KMT5B: variants seen among roughly 807,000 people sequenced by gnomAD.
The protein encoded by KMT5B is histone-lysine N-methyltransferase KMT5B.
Under a neutral mutation model 83.2 loss-of-function variants are expected in KMT5B, and 10 were observed. The observed-to-expected ratio is 0.12, with a 90% CI of 0.07 to 0.20. The LOEUF is 0.20. KMT5B is among the 10% of genes least tolerant of loss of function. The pLI, the probability that KMT5B is intolerant of heterozygous loss-of-function variation, is 1.00. For synonymous variants in KMT5B, 349 were observed against 388.8 expected (o/e 0.90, Z 1.20); for missense variants, 753 against 1,067.2 (o/e 0.71, Z 4.10).
chr11:68,198,155 G>A (rs1565254447), intron 1 of KMT5B, among the ~76,000 whole-genome samples: 2 of 152,134 alleles, frequency 1.3e-5, no homozygotes, highest in South Asian at 2.1e-4. Context: ...AGGCCAAGGC[G>A]GGCAGATCAC....
intron 4 of KMT5B, chr11:68,176,748 C>A (rs1426101729): frequency 6.6e-6 from 1 of 152,130 alleles, no homozygotes; most frequent in Non-Finnish European, 1.5e-5. Flanking sequence ...CGCGTCACTG[C>A]ACTTCAGCCT....
At chr11:68,174,260 A>C (rs552076402) in intron 5 of KMT5B, 1 of 360,960 alleles carries the variant, frequency 2.8e-6, no homozygotes, top group South Asian at 2.1e-5. Context: ...TAGGTAACAA[A>C]CTTTATTGTT....
intron 10 of KMT5B, among the ~76,000 whole-genome samples, chr11:68,164,098 A>G (rs1855091366): frequency 6.6e-6 from 1 of 152,188 alleles, no homozygotes; most frequent in Non-Finnish European, 1.5e-5. Context: ...AGAATCCTCC[A>G]GTCCTGGCAT....
chr11:68,203,367 C>T (rs951504951), intron 1 of KMT5B, among the ~76,000 whole-genome samples: 2 of 152,246 alleles, frequency 1.3e-5, no homozygotes, highest in Non-Finnish European at 2.9e-5. Context: ...AACTGCTACA[C>T]ATAAGCAGAA....
intron 4 of KMT5B, among the ~76,000 whole-genome samples, chr11:68,178,658 T>C (rs1044252892): frequency 2.0e-5 from 3 of 152,202 alleles, no homozygotes; most frequent in African/African-American, 7.2e-5. Flanking sequence ...GATGAGACAG[T>C]TGTTTTCAAT....
At position 68,174,082 on chromosome 11, in the gene KMT5B, A is replaced by G. The variant is rs772257876; in HGVS notation, c.544-169T>C. On this transcript the variant is annotated intron_variant, in intron 5 of 10. Coordinates refer to ENST00000304363, the MANE Select transcript of KMT5B (RefSeq NM_017635.5). ...AAAAACATTAGCCAAGCATGATGGC[A>G]TGTACCTTTAGTGCCAGCTACGTGG... 18 of 666,088 alleles carry G rather than the reference A, an allele frequency of 2.7e-5. 1 individual carries two copies. The highest frequency in any genetic ancestry group is 2.1e-4 in the South Asian group (14 of 66,464). 41.3% of individuals were successfully genotyped at this position (666,088 alleles called of 1,614,324 possible). A position where few individuals can be genotyped will look rare whatever the true frequency, so the allele number is the denominator to read the frequency against.
At chr11:68,174,168 G>A (rs1259320243) in intron 5 of KMT5B, 2 of 575,622 alleles carry the variant, frequency 3.5e-6, no homozygotes, top group Non-Finnish European at 6.5e-6. Flanking sequence ...GCCATAATCA[G>A]GCCACTGCAC....
Position 68,157,400 on chromosome 11 carries a change from G to A in KMT5B, c.*288C>T, listed in dbSNP as rs1452040762. On this transcript the variant is annotated 3_prime_UTR_variant, in exon 11 of 11. Coordinates refer to ENST00000304363, the MANE Select transcript of KMT5B (RefSeq NM_017635.5). The stretch of plus-strand genomic sequence containing the variant: ...CACATTACTGTTTTCAACGTCCTGT[G>A]TGGAAAGTTGCTATCACTGTACAAT... 3.9e-6 allele frequency: 1 copy of A among 256,774 alleles called. No homozygotes were observed. The highest frequency in any genetic ancestry group is 2.2e-5 in the African/African-American group (1 of 45,122). 15.9% of individuals were successfully genotyped at this position (256,774 alleles called of 1,614,324 possible).
In KMT5B at chr11:68,161,975, G is replaced by A. The variant is rs367655794; in HGVS notation, c.1175-2804C>T. Among the ~76,000 whole-genome samples, 10 of 152,032 alleles carry A rather than the reference G, an allele frequency of 6.6e-5. No homozygotes were observed. The East Asian group carries it at 9.6e-4, about 15-fold the overall frequency. Reference sequence around the variant, plus strand: ...AAGTCTCCTGACGACGTCCCCTTTCGAGGTCTCCATCTTGGTCAATATCAC... The same window carrying A: ...AAGTCTCCTGACGACGTCCCCTTTCAAGGTCTCCATCTTGGTCAATATCAC... On this transcript the variant is annotated intron_variant, in intron 10 of 10. Transcript: ENST00000304363.
intron 10 of KMT5B, among the ~76,000 whole-genome samples, chr11:68,160,301 T>C (rs1854741148): frequency 6.6e-6 from 1 of 152,228 alleles, no homozygotes; most frequent in Non-Finnish European, 1.5e-5. Flanking sequence ...TTCTGCTATG[T>C]TAATTTTTCC....
Position 68,209,234 on chromosome 11 carries a change from G to A in KMT5B, c.-77+3904C>T, listed in dbSNP as rs965945610. Among the ~76,000 whole-genome samples the A allele has an allele frequency of 2.7e-4, 41 of 152,220 alleles. 1 individual carries two copies. The highest frequency in any genetic ancestry group is 9.2e-4 in the African/African-American group (38 of 41,528). ...TCAGACAGGCAAAACAATTCATCGGGCCGACCTAGAATCCACTCAGTTCAA... is the reference window on the plus strand; with the variant it reads ...TCAGACAGGCAAAACAATTCATCGGACCGACCTAGAATCCACTCAGTTCAA... On this transcript the variant is annotated intron_variant, in intron 1 of 10. Transcript: ENST00000304363.
chr11:68,211,088 TAATCAGGTAAAGGAA>T, intron 1 of KMT5B, among the ~76,000 whole-genome samples: 1 of 152,174 alleles, frequency 6.6e-6, no homozygotes, highest in Non-Finnish European at 1.5e-5. Context: ...CACAAACTGA[TAATCAGGTAAAGGAA>T]AATCAGATTC....
At chr11:68,200,477 A>G (rs960902185) in intron 1 of KMT5B, among the ~76,000 whole-genome samples, 8 of 152,244 alleles carry the variant, frequency 5.3e-5, no homozygotes, top group African/African-American at 1.9e-4. Context: ...AAATGGACAC[A>G]ATGTCTTAAA....
intron 2 of KMT5B, among the ~76,000 whole-genome samples, chr11:68,189,086 C>A (rs1293296220): frequency 6.6e-6 from 1 of 152,198 alleles, no homozygotes; most frequent in Non-Finnish European, 1.5e-5. Flanking sequence ...CTTGTACAAT[C>A]TGAAACTACA....
chr11:68,186,215 C>G (rs779453551), intron 2 of KMT5B, among the ~76,000 whole-genome samples: 2 of 152,154 alleles, frequency 1.3e-5, no homozygotes, highest in Non-Finnish European at 2.9e-5. Context: ...TCCCCCACCC[C>G]CTTCTCTCCA....
At chr11:68,196,047 CTCAGGAGGCTGAA>C (rs1282914642) in intron 1 of KMT5B, among the ~76,000 whole-genome samples, 6 of 152,158 alleles carry the variant, frequency 3.9e-5, no homozygotes, top group African/African-American at 1.2e-4. Flanking sequence ...ATCCCAGCTA[CTCAGGAGGCTGAA>C]GCAGGAGGAT....
At chr11:68,211,330 T>C (rs984406425) in intron 1 of KMT5B, among the ~76,000 whole-genome samples, 23 of 152,122 alleles carry the variant, frequency 1.5e-4, no homozygotes, top group Non-Finnish European at 8.8e-5. Context: ...TCAGGGTGTT[T>C]GGGAAAGCAG....
chr11:68,181,415 G>A (rs994526820), intron 3 of KMT5B, among the ~76,000 whole-genome samples: 1 of 152,068 alleles, frequency 6.6e-6, no homozygotes. Flanking sequence ...TTGGTAGACT[G>A]AAAGAAGTAA....
rs555582030 is a variant in KMT5B at position 68,191,077 on chromosome 11, A to G, written c.-76-925T>C. On this transcript the variant is annotated intron_variant, in intron 1 of 10. Transcript: ENST00000304363. ...AGTGGTGTGATTATGGCTCACTGCA[A>G]CCTCAAATTCCAGGGCTCAACCAAT... Among the ~76,000 whole-genome samples, 34 of 152,186 alleles carry G rather than the reference A, an allele frequency of 2.2e-4. 1 individual carries two copies. The highest frequency in any genetic ancestry group is 7.7e-4 in the African/African-American group (32 of 41,522).
Sources: allele counts gnomAD v4.1 joint callset (sites outside exome capture counted in the v4.1 genomes callset), GRCh38; gene constraint gnomAD v4.1.1; transcripts MANE v1.5; gene names NCBI Gene and HGNC (gene_info 2026-07-23, HGNC 2026-07-21).